C1orf159: variants seen among roughly 807,000 people sequenced by gnomAD.
The protein encoded by C1orf159 is uncharacterized protein C1orf159.
A neutral mutation model predicts 25.6 loss-of-function variants in C1orf159; 19 were observed. The ratio of observed to expected loss-of-function variants is 0.74; its 90% CI spans 0.52 to 1.09. The LOEUF is 1.09. C1orf159 is among the 50% of genes least tolerant of loss of function. C1orf159 has a pLI of 0.00. For missense variants in C1orf159, 274 were observed against 290.6 expected, an observed-to-expected ratio of 0.94 and a Z score of 0.42; for synonymous variants, 139 against 124.7, an observed-to-expected ratio of 1.12 and a Z score of -0.77.
At chr1:1,091,667 C>G in intron 2 of C1orf159, 102 bp from the exon 3 acceptor site, 1 of 493,940 alleles carries the variant, frequency 2.0e-6, no homozygotes, top group Non-Finnish European at 3.3e-6. Flanking sequence ...TGGGGGGGTG[C>G]GGGCCAAGGC....
At chr1:1,099,095 G>C (rs893966741) in intron 1 of C1orf159, among the ~76,000 whole-genome samples, 1 of 152,236 alleles carries the variant, frequency 6.6e-6, no homozygotes, top group Middle Eastern at 3.4e-3. Context: ...AAGAATCGGA[G>C]AGAGAGAGGT....
chr1:1,111,680 T>C (rs2100779353), intron 1 of C1orf159, among the ~76,000 whole-genome samples: 1 of 152,172 alleles, frequency 6.6e-6, no homozygotes, highest in African/African-American at 2.4e-5. Context: ...TCACCGTAAC[T>C]CCAGCCGCCC....
At chr1:1,115,271 G>A (rs1646318619) in intron 1 of C1orf159, among the ~76,000 whole-genome samples, 1 of 138,488 alleles carries the variant, frequency 7.2e-6, no homozygotes, top group Admixed American at 6.9e-5. Context: ...GCTGCCACCG[G>A]AACACGCGCT....
intron 1 of C1orf159, among the ~76,000 whole-genome samples, chr1:1,098,665 C>T (rs771926792): frequency 3.9e-5 from 6 of 152,298 alleles, no homozygotes; most frequent in African/African-American, 7.2e-5. Context: ...CTTGCCCAGG[C>T]TGGGGTGCAG....
chr1:1,102,623 A>T (rs1030311740), intron 1 of C1orf159, among the ~76,000 whole-genome samples: 7,380 of 100,732 alleles, frequency 0.073, 456 homozygotes, highest in South Asian at 0.12. Context: ...CTAAAAAAAA[A>T]AAAAAAAAAA....
At chr1:1,088,987 G>T (rs1645881720) in intron 4 of C1orf159, among the ~76,000 whole-genome samples, 1 of 152,242 alleles carries the variant, frequency 6.6e-6, no homozygotes. Context: ...CTTCAGCGAG[G>T]CTCTGTCTGA....
At chr1:1,113,636 AAG>A (rs1646292927) in intron 1 of C1orf159, among the ~76,000 whole-genome samples, 1 of 152,204 alleles carries the variant, frequency 6.6e-6, no homozygotes, top group Non-Finnish European at 1.5e-5. Context: ...TAGGAGGCAG[AAG>A]AGACCTTAGA....
intron 1 of C1orf159, among the ~76,000 whole-genome samples, chr1:1,099,165 A>G (rs1483950044): frequency 6.6e-6 from 1 of 151,336 alleles, no homozygotes; most frequent in Non-Finnish European, 1.5e-5. Flanking sequence ...TTATTCTAAG[A>G]ATCGGAGAGA....
At chr1:1,112,950 C>G (rs562083154) in intron 1 of C1orf159, among the ~76,000 whole-genome samples, 2 of 152,322 alleles carry the variant, frequency 1.3e-5, no homozygotes, top group South Asian at 4.1e-4. Flanking sequence ...GATCCCAGCA[C>G]TTTGGGAGGC....
chr1:1,087,405 G>C lies in C1orf159; in HGVS notation c.244+97C>G, dbSNP rs1645849027. ...CGGGGCTGTTCCCCAGTGGACAGTG[G>C]CTCTGGGGCAAGGTGGGGACACAGA... On this transcript the variant is annotated intron_variant, in intron 5 of 9. Coordinates refer to ENST00000421241, the MANE Select transcript of C1orf159 (RefSeq NM_017891.5). This position sits in a 1 kb window ranked among gnomAD's most constrained non-coding sequence, Gnocchi z 8.3. 3.1e-6 allele frequency: 4 copies of C among 1,273,514 alleles called. No individual in the cohort carries two copies. Among genetic ancestry groups the C allele is most frequent in the Middle Eastern group, 3.9e-4 (2 of 5,102 alleles). 78.9% of individuals were successfully genotyped at this position (1,273,514 alleles called of 1,614,324 possible). A position where few individuals can be genotyped will look rare whatever the true frequency, so the allele number is the denominator to read the frequency against.
rs1464666654 is a variant in C1orf159, at chr1:1,089,126, G to A, written c.148+1227C>T. 1.3e-5 allele frequency among the ~76,000 whole-genome samples: 2 copies of A among 152,142 alleles called. No homozygotes were observed. Among genetic ancestry groups the A allele is most frequent in the Non-Finnish European group, 2.9e-5 (2 of 67,998 alleles). ...TGACCTGGCTTGGGGCCGCACGCAGGGGGAAGCGTATCCAACACCGCAGGC... is the reference window on the plus strand; with the variant it reads ...TGACCTGGCTTGGGGCCGCACGCAGAGGGAAGCGTATCCAACACCGCAGGC... On this transcript the variant is annotated intron_variant, in intron 4 of 9. Coordinates refer to ENST00000421241, the MANE Select transcript of C1orf159 (RefSeq NM_017891.5). The surrounding 1 kb of genome is among the most constrained non-coding windows in gnomAD (Gnocchi z 7.5).
rs1346869876 is a variant in C1orf159 at position 1,084,403 on chromosome 1, CAG to C, written c.472-22_472-21del. The C allele has an allele frequency of 1.2e-5, 19 of 1,580,768 alleles. No homozygotes were observed. Among genetic ancestry groups the C allele is most frequent in the Admixed American group, 1.9e-5 (1 of 52,592 alleles). On this transcript the variant is annotated intron_variant, in intron 8 of 9. Transcript: ENST00000421241. Reference sequence around the variant, plus strand: ...TGCAGCCTTGAAAAGGAGAGAAAGGCAGAGTGAGGACTCGGGATGGCCTGGCA... The same window carrying C: ...TGCAGCCTTGAAAAGGAGAGAAAGGCAGTGAGGACTCGGGATGGCCTGGCA...
chr1:1,100,347 C>T (rs1557431071), intron 1 of C1orf159, among the ~76,000 whole-genome samples: 1 of 151,888 alleles, frequency 6.6e-6, no homozygotes, highest in African/African-American at 2.4e-5. Context: ...TTTGTATACA[C>T]ACGCTGCCCT....
chr1:1,105,460 C>T (rs1051656310), intron 1 of C1orf159, among the ~76,000 whole-genome samples: 8 of 151,730 alleles, frequency 5.3e-5, no homozygotes, highest in South Asian at 2.1e-4. Flanking sequence ...GAGCCGAGAT[C>T]GCGCCACCAC....
At chr1:1,113,708 T>A (rs944808833) in intron 1 of C1orf159, among the ~76,000 whole-genome samples, 1 of 152,154 alleles carries the variant, frequency 6.6e-6, no homozygotes, top group Non-Finnish European at 1.5e-5. Flanking sequence ...TAAAGCGCCC[T>A]TGGAAGAAGG....
chr1:1,084,813 C>A (rs898473350), intron 7 of C1orf159, among the ~76,000 whole-genome samples: 1 of 152,172 alleles, frequency 6.6e-6, no homozygotes, highest in Non-Finnish European at 1.5e-5. Context: ...ACAAGCCCCC[C>A]TCATGAGAAG....
chr1:1,088,554 C>T (rs1320080545), intron 4 of C1orf159, among the ~76,000 whole-genome samples: 2 of 151,230 alleles, frequency 1.3e-5, no homozygotes, highest in East Asian at 4.0e-4. Context: ...CCTCATCCCC[C>T]CGCCAGGCCG....
At chr1:1,092,508 C>T (rs77334480) in intron 1 of C1orf159, 2,490 of 153,784 alleles carry the variant, frequency 0.016, 43 homozygotes, top group Non-Finnish European at 0.023. Context: ...GCCTGCCAGG[C>T]GCACAAATCC....
At chr1:1,095,276 C>T (rs995713770) in intron 1 of C1orf159, among the ~76,000 whole-genome samples, 6 of 152,324 alleles carry the variant, frequency 3.9e-5, no homozygotes, top group African/African-American at 1.4e-4. Flanking sequence ...CTGGCAGAGC[C>T]GATGTTTTAA....
Sources: allele counts gnomAD v4.1 joint callset (sites outside exome capture counted in the v4.1 genomes callset), GRCh38; gene constraint gnomAD v4.1.1; non-coding constraint Gnocchi (gnomAD v3.1); transcripts MANE v1.5; gene names NCBI Gene and HGNC (gene_info 2026-07-23, HGNC 2026-07-21).